Variants in MKRN2OS observed in about 807,000 individuals in gnomAD.
MKRN2OS encodes MKRN2 opposite strand, also known as MKRN2 opposite strand protein.
In MKRN2OS, 17 loss-of-function variants were observed where a neutral mutation model predicts 18.2. That is an observed-to-expected ratio of 0.93 (90% CI 0.64 to 1.40). The LOEUF is 1.40. Ranked by LOEUF, MKRN2OS falls within the 40% of genes most tolerant of loss-of-function variation. MKRN2OS has a pLI of 0.00. For missense variants in MKRN2OS, 337 were observed against 283.0 expected, an observed-to-expected ratio of 1.19 and a Z score of -1.37; for synonymous variants, 121 against 108.5, an observed-to-expected ratio of 1.12 and a Z score of -0.72.
chr3:12,551,310 A>G (rs185109134), downstream of MKRN2OS, among the ~76,000 whole-genome samples: 113 of 152,174 alleles, frequency 7.4e-4, 1 homozygote, highest in African/African-American at 2.4e-3. Context: ...CCTGGCCAAA[A>G]TGGTGAAACC....
upstream of MKRN2OS, among the ~76,000 whole-genome samples, chr3:12,548,493 G>C (rs1298232326): frequency 6.9e-6 from 1 of 145,558 alleles, no homozygotes; most frequent in Admixed American, 7.1e-5. Context: ...CCAGCCGAGC[G>C]TGGTGGCAGA....
At chr3:12,545,962 A>G (rs149110908), upstream of MKRN2OS, among the ~76,000 whole-genome samples, 3 of 152,242 alleles carry the variant, frequency 2.0e-5, no homozygotes, top group Admixed American at 6.5e-5. Context: ...ACACGCCACT[A>G]TACCCAACTA....
chr3:12,556,460 TG>T (rs1389889752), intron 1 of MKRN2OS, among the ~76,000 whole-genome samples: 3 of 151,944 alleles, frequency 2.0e-5, no homozygotes, highest in African/African-American at 7.3e-5. Context: ...GACAGAGGTG[TG>T]GGAGCAGAAT....
At chr3:12,550,817 GTT>G (rs371404956), downstream of MKRN2OS, among the ~76,000 whole-genome samples, 1 of 151,856 alleles carries the variant, frequency 6.6e-6, no homozygotes, top group Non-Finnish European at 1.5e-5. Context: ...AACATATTTT[GTT>G]ATGTTGGGTT....
At chr3:12,560,881 T>C (rs2058031616) in exon 1 of MKRN2OS, 1 of 152,204 alleles carries the variant, frequency 6.6e-6, no homozygotes. Flanking sequence ...GGTTGAGCAG[T>C]TGGAAATTCA....
At chr3:12,552,020 G>A (rs763812636), downstream of MKRN2OS, among the ~76,000 whole-genome samples, 1 of 150,888 alleles carries the variant, frequency 6.6e-6, no homozygotes, top group Non-Finnish European at 1.5e-5. Context: ...TAAATGCTCC[G>A]ATACAAAAAA....
At chr3:12,557,526 G>A (rs2057988809) in intron 1 of MKRN2OS, among the ~76,000 whole-genome samples, 1 of 152,258 alleles carries the variant, frequency 6.6e-6, no homozygotes, top group Non-Finnish European at 1.5e-5. Context: ...AAGATTTGAA[G>A]TTGAGTAAAG....
chr3:12,555,024 C>A (rs1408141828), intron 1 of MKRN2OS, among the ~76,000 whole-genome samples: 1 of 152,120 alleles, frequency 6.6e-6, no homozygotes, highest in African/African-American at 2.4e-5. Flanking sequence ...AAATAAGTGG[C>A]ATGGGCTGGG....
intron 1 of MKRN2OS, among the ~76,000 whole-genome samples, chr3:12,554,439 T>C (rs1254688822): frequency 1.3e-5 from 2 of 151,998 alleles, no homozygotes; most frequent in African/African-American, 4.8e-5. Flanking sequence ...CTGGCTGTCG[T>C]TGATCCAGTG....
rs533675322 is a variant in MKRN2OS at position 12,556,903 on chromosome 3, G to A, written n.265-2769C>T. The A allele has an allele frequency of 8.1e-5, 32 of 393,812 alleles. No homozygotes were observed. In the East Asian group the frequency reaches 1.2e-3, roughly 15 times the overall value. The allele number at this position is 393,812 out of a possible 1,614,324, so 24.4% of individuals were successfully genotyped here. ...ATGCCAGCCAGGCTCCGCCCCGGAG[G>A]CTTGGAAGTGCGGGACACCGAGAGC... On this transcript the variant is annotated intron_variant and non_coding_transcript_variant, in intron 1 of 1. Coordinates refer to the MKRN2OS transcript ENST00000447550.
rs1180580585 is a variant in MKRN2OS, at chr3:12,545,317, T to C, written c.148A>G (p.Asn50Asp). ...TCTTGATGTCCATTAGTAAATGGATTAGCGATGCTAACAGGTGCGTCCTCC... is the reference window on the plus strand; with the variant it reads ...TCTTGATGTCCATTAGTAAATGGATCAGCGATGCTAACAGGTGCGTCCTCC... ...KLEDAPVSIA[N>D]PFTNGHQEKC... Residue 50 changes from asparagine to aspartate, a missense_variant, in exon 1 of 4, where the codon AAT becomes GAT. Physicochemically the swap from Asn to Asp is conservative, Grantham distance 23. Coordinates refer to ENST00000564146, the MANE Select transcript of MKRN2OS (RefSeq NM_001195279.2). The C allele has an allele frequency of 6.5e-7, 1 of 1,536,142 alleles. No homozygotes were observed. The highest frequency in any genetic ancestry group is 2.0e-5 in the Admixed American group (1 of 51,000).
intron 3 of MKRN2OS, among the ~76,000 whole-genome samples, chr3:12,541,230 T>G (rs1400309754): frequency 5.7e-3 from 1 of 174 alleles, no homozygotes; most frequent in Non-Finnish European, 0.01. Context: ...TTTGTGTTTT[T>G]TTGTTTTTGG....
At position 12,539,947 on chromosome 3, in the gene MKRN2OS, A is replaced by G. The variant is rs528687933; in HGVS notation, c.*246T>C. 225 of 461,616 alleles carry G rather than the reference A, an allele frequency of 4.9e-4. 1 individual carries two copies. The East Asian group carries it at 7.7e-3, about 16-fold the overall frequency. 28.6% of individuals were successfully genotyped at this position (461,616 alleles called of 1,614,324 possible). On this transcript the variant is annotated 3_prime_UTR_variant, in exon 4 of 4. Coordinates refer to ENST00000564146, the MANE Select transcript of MKRN2OS (RefSeq NM_001195279.2). ...ATTACAGGCATGCGCCACCATGCCC[A>G]GCTAATTTTATATTTTTAGTAAGGA... is the stretch of plus-strand genomic sequence containing the variant.
intron 1 of MKRN2OS, among the ~76,000 whole-genome samples, chr3:12,557,786 T>C (rs973339646): frequency 6.6e-6 from 1 of 152,234 alleles, no homozygotes; most frequent in African/African-American, 2.4e-5. Flanking sequence ...GTAGTTATTA[T>C]TACCATTTTA....
At chr3:12,551,097 C>T (rs1037141503), downstream of MKRN2OS, among the ~76,000 whole-genome samples, 1 of 152,086 alleles carries the variant, frequency 6.6e-6, no homozygotes, top group East Asian at 1.9e-4. Flanking sequence ...GGTTACATAC[C>T]GCTTTCACCA....
chr3:12,553,537 G>C (rs2057944379), downstream of MKRN2OS, among the ~76,000 whole-genome samples: 1 of 151,658 alleles, frequency 6.6e-6, no homozygotes, highest in Non-Finnish European at 1.5e-5. Flanking sequence ...AAAAAATCTA[G>C]GGCTAACATT....
intron 1 of MKRN2OS, among the ~76,000 whole-genome samples, chr3:12,554,507 A>T (rs35392660): frequency 0.14 from 20,632 of 149,780 alleles, 1,582 homozygotes; most frequent in Admixed American, 0.22. Context: ...GAAATATAAA[A>T]ATATATATAT....
In MKRN2OS at chr3:12,539,777, TTTTA is replaced by T. The variant is rs1383036320; in HGVS notation, c.*412_*415del. Among the ~76,000 whole-genome samples, 2 of 151,984 alleles carry T rather than the reference TTTTA, an allele frequency of 1.3e-5. No homozygotes were observed. The highest frequency in any genetic ancestry group is 2.9e-5 in the Non-Finnish European group (2 of 67,978). ...ATGCTTGAAGGAAAGCCATACACGT[TTTTA>T]TTTTTTATTTTTTATTTTTTTGAGA... On this transcript the variant is annotated 3_prime_UTR_variant, in exon 4 of 4. Transcript: ENST00000564146.
At chr3:12,551,659 G>A (rs558151293), downstream of MKRN2OS, among the ~76,000 whole-genome samples, 26 of 152,242 alleles carry the variant, frequency 1.7e-4, no homozygotes, top group Non-Finnish European at 3.4e-4. Flanking sequence ...ATCAAGGCCA[G>A]GCATAGTGGG....
Sources: allele counts gnomAD v4.1 joint callset (sites outside exome capture counted in the v4.1 genomes callset), GRCh38; gene constraint gnomAD v4.1.1; transcripts MANE v1.5; gene names NCBI Gene and HGNC (gene_info 2026-07-23, HGNC 2026-07-21).